PITPNC1: variants seen among roughly 807,000 people sequenced by gnomAD.
PITPNC1 encodes cytoplasmic phosphatidylinositol transfer protein 1.
In PITPNC1, 18 loss-of-function variants were observed where a neutral mutation model predicts 44.7. The ratio of observed to expected loss-of-function variants is 0.40; its 90% CI spans 0.28 to 0.60. The LOEUF (loss-of-function observed/expected upper bound fraction) is 0.60, where lower values mean the gene tolerates loss of function less well. Among genes scored for constraint, PITPNC1 ranks in the 20% least tolerant of loss-of-function variants. The pLI is 0.39. For missense variants in PITPNC1, 290 were observed against 418.4 expected (o/e 0.69, Z 2.68); for synonymous variants, 141 against 149.6 (o/e 0.94, Z 0.42).
intron 1 of PITPNC1, among the ~76,000 whole-genome samples, chr17:67,491,626 G>T (rs555086388): frequency 2.6e-5 from 4 of 152,264 alleles, no homozygotes; most frequent in African/African-American, 9.6e-5. Context: ...GTCACTTGAG[G>T]CCAGGAGTCT....
At chr17:67,383,520 A>G (rs1436133942) in intron 1 of PITPNC1, among the ~76,000 whole-genome samples, 1 of 152,038 alleles carries the variant, frequency 6.6e-6, no homozygotes, top group African/African-American at 2.4e-5. Flanking sequence ...GCCCCATTGG[A>G]ACCTATTGGA....
At chr17:67,605,903 C>A (rs978127648) in intron 5 of PITPNC1, among the ~76,000 whole-genome samples, 14 of 152,188 alleles carry the variant, frequency 9.2e-5, no homozygotes, top group African/African-American at 3.4e-4. Context: ...CACATAAGTT[C>A]AATGCTCAGT....
At chr17:67,382,814 A>C (rs994500829) in intron 1 of PITPNC1, among the ~76,000 whole-genome samples, 8 of 150,692 alleles carry the variant, frequency 5.3e-5, no homozygotes, top group East Asian at 4.0e-4. Context: ...TTAGTAGAGA[A>C]GGGGTTTCAC....
intron 2 of PITPNC1, among the ~76,000 whole-genome samples, chr17:67,537,264 G>C (rs1021157650): frequency 2.6e-5 from 4 of 152,078 alleles, no homozygotes; most frequent in Non-Finnish European, 5.9e-5. Context: ...AGGAAAGGAA[G>C]AAACAAAATG....
chr17:67,487,065 T>C (rs1198438974), intron 1 of PITPNC1, among the ~76,000 whole-genome samples: 1 of 152,146 alleles, frequency 6.6e-6, no homozygotes, highest in Non-Finnish European at 1.5e-5. Context: ...TTCATTCTTA[T>C]GTAGCTGTAT....
intron 1 of PITPNC1, among the ~76,000 whole-genome samples, chr17:67,498,806 A>G (rs990417204): frequency 2.7e-5 from 4 of 149,278 alleles, no homozygotes; most frequent in Non-Finnish European, 4.4e-5. Context: ...GTGGTGTTGA[A>G]TATCATTTCA....
intron 6 of PITPNC1, among the ~76,000 whole-genome samples, chr17:67,659,357 C>T (rs1291380205): frequency 6.6e-6 from 1 of 152,184 alleles, no homozygotes; most frequent in Non-Finnish European, 1.5e-5. Context: ...TTTCACTCAA[C>T]GTGGTCTCAG....
intron 1 of PITPNC1, among the ~76,000 whole-genome samples, chr17:67,472,712 T>G (rs953229459): frequency 1.3e-5 from 2 of 151,964 alleles, no homozygotes; most frequent in African/African-American, 2.4e-5. Flanking sequence ...TTTATGAATT[T>G]GTGTTGGGCC....
At chr17:67,554,383 A>G (rs1168240073) in intron 4 of PITPNC1, among the ~76,000 whole-genome samples, 1 of 149,212 alleles carries the variant, frequency 6.7e-6, no homozygotes, top group Admixed American at 6.9e-5. Flanking sequence ...TCAGCCTCCC[A>G]AGTAGCTGGG....
intron 4 of PITPNC1, among the ~76,000 whole-genome samples, chr17:67,571,683 G>T (rs1598835276): frequency 6.6e-6 from 1 of 152,224 alleles, no homozygotes; most frequent in African/African-American, 2.4e-5. Context: ...TTCTTCTCCG[G>T]CTGTCACTCT....
At chr17:67,458,359 C>A (rs960896871) in intron 1 of PITPNC1, among the ~76,000 whole-genome samples, 5 of 152,172 alleles carry the variant, frequency 3.3e-5, no homozygotes, top group African/African-American at 1.2e-4. Context: ...CTTAGTTATT[C>A]TTTTATGCCT....
chr17:67,452,949 T>A (rs2039204040), intron 1 of PITPNC1, among the ~76,000 whole-genome samples: 1 of 152,210 alleles, frequency 6.6e-6, no homozygotes, highest in Non-Finnish European at 1.5e-5. Context: ...TTTGTAGCGA[T>A]TCTAATGAGT....
At chr17:67,606,188 A>C (rs955747295) in intron 5 of PITPNC1, among the ~76,000 whole-genome samples, 1 of 152,254 alleles carries the variant, frequency 6.6e-6, no homozygotes, top group African/African-American at 2.4e-5. Context: ...GGTTGAAAAA[A>C]AGTCTTCAGC....
intron 1 of PITPNC1, among the ~76,000 whole-genome samples, chr17:67,451,281 C>T (rs2039171849): frequency 6.6e-6 from 1 of 152,176 alleles, no homozygotes; most frequent in African/African-American, 2.4e-5. Flanking sequence ...ATCCACCCAC[C>T]TTGGCCTCCC....
At chr17:67,519,848 C>T (rs1002396388) in intron 1 of PITPNC1, among the ~76,000 whole-genome samples, 1 of 152,200 alleles carries the variant, frequency 6.6e-6, no homozygotes, top group Non-Finnish European at 1.5e-5. Flanking sequence ...ACCCCAAAAC[C>T]ACTTGCCAAG....
chr17:67,510,365 C>T (rs914714429), intron 1 of PITPNC1, among the ~76,000 whole-genome samples: 1 of 152,236 alleles, frequency 6.6e-6, no homozygotes, highest in Admixed American at 6.5e-5. Flanking sequence ...TGTCACTAAT[C>T]CCTGCGTCCA....
At chr17:67,658,352 C>T (rs115190761) in intron 6 of PITPNC1, among the ~76,000 whole-genome samples, 1,864 of 152,292 alleles carry the variant, frequency 0.012, 35 homozygotes, top group African/African-American at 0.043. Flanking sequence ...TCTACACTGT[C>T]GTGCCCACTT....
chr17:67,452,599 T>C (rs1424801447), intron 1 of PITPNC1, among the ~76,000 whole-genome samples: 1 of 150,314 alleles, frequency 6.7e-6, no homozygotes, highest in African/African-American at 2.4e-5. Flanking sequence ...TTCAAGTGAT[T>C]CACCTGCCTC....
intron 5 of PITPNC1, chr17:67,612,949 A>G (rs1202480680): frequency 6.6e-6 from 1 of 152,246 alleles, no homozygotes; most frequent in Non-Finnish European, 1.5e-5. Flanking sequence ...TAATCACAGC[A>G]CTTCGGGAGG....
Sources: gnomAD v4.1 joint callset for allele counts (sites outside exome capture counted in the v4.1 genomes callset) on GRCh38, gnomAD v4.1.1 for gene constraint, MANE v1.5 for transcripts, NCBI Gene and HGNC (gene_info 2026-07-23, HGNC 2026-07-21) for gene names.